GNG2: variants seen among roughly 807,000 people sequenced by gnomAD.
GNG2 encodes the protein G protein subunit gamma 2, also known as guanine nucleotide-binding protein G(I)/G(S)/G(O) subunit gamma-2.
In GNG2, 5 loss-of-function variants were observed where a neutral mutation model predicts 5.5. That is an observed-to-expected ratio of 0.91 (90% confidence interval 0.48 to 1.92). GNG2 has a LOEUF of 1.92. GNG2 is among the 30% of genes most tolerant of loss of function. The pLI is 0.01. For missense variants in GNG2, 55 were observed against 88.4 expected (o/e 0.62, Z 1.52); for synonymous variants, 28 against 32.0 (o/e 0.88, Z 0.42).
intron 2 of GNG2, among the ~76,000 whole-genome samples, chr14:51,907,010 C>A (rs542609704): frequency 6.6e-6 from 1 of 152,168 alleles, no homozygotes; most frequent in African/African-American, 2.4e-5. Flanking sequence ...CTGCCTTGGC[C>A]TCCCAAAGTG....
chr14:51,867,610 G>A (rs1311896278), intron 1 of GNG2, among the ~76,000 whole-genome samples: 1 of 152,124 alleles, frequency 6.6e-6, no homozygotes, highest in Non-Finnish European at 1.5e-5. Flanking sequence ...CTTAGTTGAG[G>A]CCCTCCTAAC....
intron 2 of GNG2, among the ~76,000 whole-genome samples, chr14:51,883,749 G>A (rs1264532010): frequency 1.3e-5 from 2 of 152,012 alleles, no homozygotes; most frequent in Non-Finnish European, 2.9e-5. Flanking sequence ...TGATCAATAA[G>A]CACAAACTTA....
intron 2 of GNG2, among the ~76,000 whole-genome samples, chr14:51,944,224 C>G (rs1160236761): frequency 6.6e-6 from 1 of 151,460 alleles, no homozygotes; most frequent in African/African-American, 2.4e-5. Context: ...AAAAAAAATG[C>G]AATTGACAAG....
At chr14:51,897,085 C>T (rs754492478) in intron 2 of GNG2, among the ~76,000 whole-genome samples, 25 of 152,190 alleles carry the variant, frequency 1.6e-4, no homozygotes, top group Admixed American at 1.3e-4. Context: ...CTTTGGGTGG[C>T]GTCCTTTTAG....
intron 2 of GNG2, among the ~76,000 whole-genome samples, chr14:51,830,557 A>C (rs1010747223): frequency 6.6e-6 from 1 of 152,200 alleles, no homozygotes; most frequent in Non-Finnish European, 1.5e-5. Flanking sequence ...AAAATGCTCT[A>C]TATCCTTCTA....
intron 2 of GNG2, among the ~76,000 whole-genome samples, chr14:51,934,729 C>T (rs1270223141): frequency 6.6e-6 from 1 of 152,144 alleles, no homozygotes; most frequent in African/African-American, 2.4e-5. Context: ...GTTCATTAAG[C>T]ATCTTCATGT....
intron 2 of GNG2, chr14:51,940,399 A>G (rs1384212451): frequency 6.6e-6 from 1 of 152,098 alleles, no homozygotes; most frequent in Non-Finnish European, 1.5e-5. Flanking sequence ...ATTATTCCAT[A>G]CCCTTTATCT....
chr14:51,900,425 G>C (rs998250775), intron 2 of GNG2, among the ~76,000 whole-genome samples: 1 of 151,852 alleles, frequency 6.6e-6, no homozygotes, highest in Non-Finnish European at 1.5e-5. Flanking sequence ...TATAATCAAT[G>C]AAAGAAGAAA....
intron 1 of GNG2, chr14:51,826,354 A>G (rs748187280): frequency 1.3e-5 from 2 of 152,250 alleles, no homozygotes; most frequent in Non-Finnish European, 1.5e-5. Context: ...TATTTACATA[A>G]GATTTACTTT....
chr14:51,920,958 T>G (rs1648050872), intron 2 of GNG2, among the ~76,000 whole-genome samples: 1 of 152,226 alleles, frequency 6.6e-6, no homozygotes, highest in Admixed American at 6.5e-5. Context: ...ATTTTGGTTC[T>G]GCTGCAAACA....
At chr14:51,844,838 G>T (rs781774196) in intron 2 of GNG2, among the ~76,000 whole-genome samples, 1 of 152,124 alleles carries the variant, frequency 6.6e-6, no homozygotes, top group Non-Finnish European at 1.5e-5. Context: ...TGATTCTCTT[G>T]CCTCAGCCTC....
intron 2 of GNG2, among the ~76,000 whole-genome samples, chr14:51,836,850 C>T (rs899484570): frequency 7.6e-6 from 1 of 131,064 alleles, no homozygotes; most frequent in Non-Finnish European, 1.6e-5. Flanking sequence ...TTTTAAGTGA[C>T]TTCATCTTTT....
At chr14:51,866,349 T>C (rs927986470) in intron 1 of GNG2, among the ~76,000 whole-genome samples, 1 of 152,242 alleles carries the variant, frequency 6.6e-6, no homozygotes, top group African/African-American at 2.4e-5. Flanking sequence ...CTTTTCACTC[T>C]GTCCTGTGCA....
At chr14:51,962,879 T>C (rs535339854) in intron 3 of GNG2, among the ~76,000 whole-genome samples, 44 of 152,160 alleles carry the variant, frequency 2.9e-4, no homozygotes, top group Admixed American at 7.9e-4. Flanking sequence ...CAGCCACAGG[T>C]TAGAAAGGAG....
intron 2 of GNG2, among the ~76,000 whole-genome samples, chr14:51,909,270 T>G (rs1886146790): frequency 6.6e-6 from 1 of 152,140 alleles, no homozygotes; most frequent in Non-Finnish European, 1.5e-5. Context: ...ATGAATCGTG[T>G]TTGTGCATAA....
At chr14:51,881,701 CTTTTTTTTTT>C (rs58544362) in intron 2 of GNG2, among the ~76,000 whole-genome samples, 6 of 104,222 alleles carry the variant, frequency 5.8e-5, no homozygotes, top group African/African-American at 1.1e-4. Flanking sequence ...AGCTGGAAGA[CTTTTTTTTTT>C]TTTTTTTTTT....
At chr14:51,902,632 C>A (rs1885642223) in intron 2 of GNG2, among the ~76,000 whole-genome samples, 1 of 152,080 alleles carries the variant, frequency 6.6e-6, no homozygotes, top group Admixed American at 6.5e-5. Flanking sequence ...GTGGCTCATG[C>A]CTATAATCCT....
At chr14:51,898,374 T>C (rs1021524438) in intron 2 of GNG2, among the ~76,000 whole-genome samples, 3 of 152,102 alleles carry the variant, frequency 2.0e-5, no homozygotes, top group Non-Finnish European at 2.9e-5. Flanking sequence ...CTGATGAGCA[T>C]TGGGATGGAT....
chr14:51,845,469 G>C (rs1881597428), intron 2 of GNG2, among the ~76,000 whole-genome samples: 1 of 152,188 alleles, frequency 6.6e-6, no homozygotes, highest in East Asian at 1.9e-4. Flanking sequence ...ACTCCAACCT[G>C]GGTGACAGTG....
Sources: allele counts gnomAD v4.1 joint callset (sites outside exome capture counted in the v4.1 genomes callset), GRCh38; gene constraint gnomAD v4.1.1; transcripts MANE v1.5; gene names NCBI Gene and HGNC (gene_info 2026-07-23, HGNC 2026-07-21).